Variants in SSBP2 observed in about 807,000 individuals in gnomAD.
SSBP2 encodes single stranded DNA binding protein 2, also known as single-stranded DNA-binding protein 2.
A neutral mutation model predicts 61.8 loss-of-function variants in SSBP2; 17 were observed. The ratio of observed to expected loss-of-function variants is 0.28; its 90% CI spans 0.19 to 0.41. SSBP2 has a LOEUF of 0.41. Among genes scored for constraint, SSBP2 ranks in the 10% least tolerant of loss-of-function variants. The pLI is 1.00. For synonymous variants in SSBP2, 139 were observed against 141.3 expected, an observed-to-expected ratio of 0.98 and a Z score of 0.12; for missense variants, 310 against 458.7, an observed-to-expected ratio of 0.68 and a Z score of 2.96.
At chr5:81,526,909 C>T (rs1475263270) in intron 4 of SSBP2, among the ~76,000 whole-genome samples, 2 of 151,638 alleles carry the variant, frequency 1.3e-5, no homozygotes, top group East Asian at 1.9e-4. Context: ...ATTCTTCAGG[C>T]TGAGACCTGA....
intron 1 of SSBP2, among the ~76,000 whole-genome samples, chr5:81,686,580 G>A (rs1752789548): frequency 6.6e-6 from 1 of 152,000 alleles, no homozygotes; most frequent in South Asian, 2.1e-4. Flanking sequence ...AATGGGGCCG[G>A]GCACGGTAGC....
chr5:81,421,391 C>T (rs562326131), intron 16 of SSBP2, among the ~76,000 whole-genome samples: 8 of 152,228 alleles, frequency 5.3e-5, no homozygotes, highest in Non-Finnish European at 7.4e-5. Context: ...TGGGGTTTCA[C>T]CATGTTGCCC....
chr5:81,421,262 G>C (rs371920957), intron 16 of SSBP2, among the ~76,000 whole-genome samples: 28 of 152,274 alleles, frequency 1.8e-4, no homozygotes, highest in Non-Finnish European at 1.0e-4. Flanking sequence ...TGTGATCTCA[G>C]CTCACTGCAA....
rs577843018 is a variant in SSBP2 at position 81,594,963 on chromosome 5, G to A, written c.282+20510C>T. On this transcript the variant is annotated intron_variant, in intron 4 of 16. Coordinates refer to ENST00000320672, the MANE Select transcript of SSBP2 (RefSeq NM_012446.5). ...GAAGCAAGAGCAAACACGTTCAAAA[G>A]CTAGCAGAAGGCAAGAAATAACTAA... Among the ~76,000 whole-genome samples the A allele has an allele frequency of 5.9e-5, 9 of 152,236 alleles. No homozygotes were observed. In the East Asian group the frequency reaches 1.7e-3, roughly 29 times the overall value.
intron 2 of SSBP2, among the ~76,000 whole-genome samples, chr5:81,647,601 T>G (rs1749378473): frequency 1.3e-5 from 2 of 152,088 alleles, no homozygotes; most frequent in African/African-American, 2.4e-5. Flanking sequence ...TCACATACAC[T>G]TATCTCCAAA....
At chr5:81,441,344 C>G (rs1246109494) in intron 13 of SSBP2, among the ~76,000 whole-genome samples, 1 of 152,072 alleles carries the variant, frequency 6.6e-6, no homozygotes, top group East Asian at 1.9e-4. Flanking sequence ...GATAGAGAAC[C>G]CATGGCCCGC....
intron 2 of SSBP2, among the ~76,000 whole-genome samples, chr5:81,640,016 CAAGTAATTTGTTCTCAAAAAAT>C (rs1387452908): frequency 6.6e-6 from 1 of 151,984 alleles, no homozygotes; most frequent in Non-Finnish European, 1.5e-5. Flanking sequence ...TGAAGTAAAA[CAAGTAATTTGTTCTCAAAAAAT>C]AAGAGAAATT....
intron 4 of SSBP2, among the ~76,000 whole-genome samples, chr5:81,539,930 CCCCT>C (rs1771120556): frequency 6.6e-6 from 1 of 152,182 alleles, no homozygotes; most frequent in East Asian, 1.9e-4. Context: ...GTGTGATGTT[CCCCT>C]CCCTGTGTCC....
At chr5:81,663,813 T>A (rs971925586) in intron 1 of SSBP2, among the ~76,000 whole-genome samples, 1 of 152,200 alleles carries the variant, frequency 6.6e-6, no homozygotes, top group Admixed American at 6.5e-5. Flanking sequence ...AAAGTAGCCA[T>A]TTAATATGGG....
chr5:81,498,995 T>G (rs1357007546), intron 5 of SSBP2, among the ~76,000 whole-genome samples: 1 of 152,176 alleles, frequency 6.6e-6, no homozygotes, highest in Non-Finnish European at 1.5e-5. Flanking sequence ...TTCATATATC[T>G]TAATTTGTTT....
intron 3 of SSBP2, among the ~76,000 whole-genome samples, chr5:81,633,456 C>T (rs962970837): frequency 1.3e-5 from 2 of 152,090 alleles, no homozygotes; most frequent in East Asian, 1.9e-4. Context: ...CTCCTCATTC[C>T]TTGGATGTTA....
intron 4 of SSBP2, among the ~76,000 whole-genome samples, chr5:81,552,536 G>A (rs890037775): frequency 6.6e-6 from 1 of 151,904 alleles, no homozygotes; most frequent in Non-Finnish European, 1.5e-5. Flanking sequence ...TACTTGGGAG[G>A]CTGAGGCACA....
chr5:81,569,745 A>T (rs893359288), intron 4 of SSBP2, among the ~76,000 whole-genome samples: 2 of 149,678 alleles, frequency 1.3e-5, no homozygotes, highest in Non-Finnish European at 2.9e-5. Context: ...GGCAGGTTTT[A>T]AAAAAAATCT....
intron 1 of SSBP2, among the ~76,000 whole-genome samples, chr5:81,709,925 A>G (rs1754654574): frequency 1.3e-5 from 2 of 152,074 alleles, no homozygotes; most frequent in African/African-American, 4.8e-5. Flanking sequence ...TTAAAAAATT[A>G]GAAGCATATC....
chr5:81,715,540 A>T (rs779971389), intron 1 of SSBP2, among the ~76,000 whole-genome samples: 4 of 152,220 alleles, frequency 2.6e-5, no homozygotes, highest in African/African-American at 7.2e-5. Context: ...AACCAATGAT[A>T]TGTTCATAGA....
In SSBP2 at chr5:81,415,922, A is replaced by AAAAGAAAAG. The variant is rs1554059157; in HGVS notation, c.*4581_*4582insCTTTTCTTT. 2.7e-5 allele frequency: 2 copies of AAAAGAAAAG among 73,752 alleles called. No individual in the cohort carries two copies. Among genetic ancestry groups the AAAAGAAAAG allele is most frequent in the African/African-American group, 1.5e-4 (1 of 6,788 alleles). The allele number at this position is 73,752 out of a possible 1,614,324, so 4.6% of individuals were successfully genotyped here. On this transcript the variant is annotated 3_prime_UTR_variant, in exon 17 of 17. Transcript: ENST00000320672. The stretch of plus-strand genomic sequence containing the variant: ...GCAAGATTCTGACTCAAAAAAAAAA[A>AAAAGAAAAG]AAAAAAAGAGGAAAACCTGATCAAG...
chr5:81,688,575 T>A (rs1364023102), intron 1 of SSBP2, among the ~76,000 whole-genome samples: 1 of 152,288 alleles, frequency 6.6e-6, no homozygotes, highest in East Asian at 1.9e-4. Context: ...ACAGAAAGAC[T>A]GTTTGTTTGG....
chr5:81,498,083 G>A (rs868418591), intron 5 of SSBP2, among the ~76,000 whole-genome samples: 6 of 151,996 alleles, frequency 3.9e-5, no homozygotes, highest in Middle Eastern at 6.3e-3. Flanking sequence ...TCAGGTCTCA[G>A]AAACAACATA....
At chr5:81,578,910 T>C (rs1175080635) in intron 4 of SSBP2, among the ~76,000 whole-genome samples, 2 of 151,626 alleles carry the variant, frequency 1.3e-5, no homozygotes, top group Non-Finnish European at 2.9e-5. Flanking sequence ...CTGTTAACAA[T>C]TTTTTTTCTT....
Sources: allele counts gnomAD v4.1 joint callset (sites outside exome capture counted in the v4.1 genomes callset), GRCh38; gene constraint gnomAD v4.1.1; transcripts MANE v1.5; gene names NCBI Gene and HGNC (gene_info 2026-07-23, HGNC 2026-07-21).